AP1S3: variants seen among roughly 807,000 people sequenced by gnomAD.
AP1S3 encodes the protein AP-1 complex subunit sigma-3.
A neutral mutation model predicts 20.9 loss-of-function variants in AP1S3; 10 were observed. That is an observed-to-expected ratio of 0.48 (90% CI 0.29 to 0.81). The LOEUF is 0.81. Ranked by LOEUF, AP1S3 falls within the 30% of genes least tolerant of loss-of-function variation. The probability of loss-of-function intolerance (pLI) is 0.08; values close to 1 mark genes in which losing one functional copy is unlikely to be tolerated. For synonymous variants in AP1S3, 41 were observed against 61.5 expected, an observed-to-expected ratio of 0.67 and a Z score of 1.56; for missense variants, 154 against 183.8, an observed-to-expected ratio of 0.84 and a Z score of 0.94.
In AP1S3 at chr2:223,758,498, C is replaced by T; in HGVS notation, c.*217G>A. On this transcript the variant is annotated 3_prime_UTR_variant, in exon 5 of 5. Coordinates refer to ENST00000396654, the MANE Select transcript of AP1S3 (RefSeq NM_001039569.2). The stretch of plus-strand genomic sequence containing the variant: ...TTTAAACATTTAGAGCTACAAGTAC[C>T]TATACAGTATAACACAGACACATAA... 1 of 1,224,810 alleles carries T rather than the reference C, an allele frequency of 8.2e-7. No homozygotes were observed. The allele number at this position is 1,224,810 out of a possible 1,614,324, so 75.9% of individuals were successfully genotyped here.
At chr2:223,833,351 C>T (rs1692322565) in intron 1 of AP1S3, among the ~76,000 whole-genome samples, 3 of 152,152 alleles carry the variant, frequency 2.0e-5, no homozygotes, top group Admixed American at 2.0e-4. Context: ...CCTTTTTAAA[C>T]ACACTGGGCT....
At chr2:223,792,857 C>A (rs564955669) in intron 1 of AP1S3, among the ~76,000 whole-genome samples, 70 of 152,186 alleles carry the variant, frequency 4.6e-4, no homozygotes, top group African/African-American at 1.5e-3. Flanking sequence ...CTACAAGGAA[C>A]TTAAACAAAT....
chr2:223,756,019 T>C lies in AP1S3; in HGVS notation c.*2696A>G. 4 of 985,398 alleles carry C rather than the reference T, an allele frequency of 4.1e-6. No individual in the cohort carries two copies. Among genetic ancestry groups the C allele is most frequent in the Non-Finnish European group, 4.8e-6 (4 of 829,914 alleles). 61.0% of individuals were successfully genotyped at this position (985,398 alleles called of 1,614,324 possible). A position where few individuals can be genotyped will look rare whatever the true frequency, so the allele number is the denominator to read the frequency against. ...AAAACTATGATGGATTTACATGAGG[T>C]CCATCTTTACAAAATTGTATTGAAA... On this transcript the variant is annotated 3_prime_UTR_variant, in exon 5 of 5. Coordinates refer to ENST00000396654, the MANE Select transcript of AP1S3 (RefSeq NM_001039569.2).
At chr2:223,787,311 A>G (rs1376143242) in intron 1 of AP1S3, among the ~76,000 whole-genome samples, 1 of 152,224 alleles carries the variant, frequency 6.6e-6, no homozygotes, top group East Asian at 1.9e-4. Flanking sequence ...AGTCTCGGGT[A>G]TTTCTTTACA....
rs547001635 is a variant in AP1S3, at chr2:223,820,445, G to A, written c.3+17003C>T. Among the ~76,000 whole-genome samples, 4 of 151,772 alleles carry A rather than the reference G, an allele frequency of 2.6e-5. No homozygotes were observed. The East Asian group carries it at 7.7e-4, about 29-fold the overall frequency. The stretch of plus-strand genomic sequence containing the variant: ...TTTTTCTGAGGCACGGGGTGTGCCT[G>A]TTTAACTCATCTTATATATAAGAAA... On this transcript the variant is annotated intron_variant, in intron 1 of 4. Transcript: ENST00000396654.
At chr2:223,837,411 C>A in intron 1 of AP1S3, 37 bp downstream of exon 1, 1 of 1,192,096 alleles carries the variant, frequency 8.4e-7, no homozygotes, top group Non-Finnish European at 1.1e-6. Context: ...CGAGCGCCCC[C>A]ACCGCCTACC....
chr2:223,780,318 G>T (rs1432492691), intron 1 of AP1S3, among the ~76,000 whole-genome samples: 881 of 67,882 alleles, frequency 0.013, 19 homozygotes, highest in Middle Eastern at 0.016. Context: ...TAGAGAGAGA[G>T]AGAGAGAGAG....
At chr2:223,780,691 A>T (rs1465039826) in intron 1 of AP1S3, among the ~76,000 whole-genome samples, 1 of 151,942 alleles carries the variant, frequency 6.6e-6, no homozygotes, top group Non-Finnish European at 1.5e-5. Flanking sequence ...TCCGTCTCCC[A>T]GAGTGTTGTG....
intron 3 of AP1S3, among the ~76,000 whole-genome samples, chr2:223,775,063 C>T (rs918025771): frequency 6.6e-6 from 1 of 151,850 alleles, no homozygotes; most frequent in African/African-American, 2.4e-5. Context: ...TTAAAGAAAG[C>T]GTCATGGTGA....
intron 3 of AP1S3, 95 bp from the exon 4 acceptor site, chr2:223,765,445 G>A (rs2106079332): frequency 1.5e-6 from 2 of 1,313,850 alleles, no homozygotes; most frequent in Admixed American, 2.8e-5. Context: ...GCACTCATGT[G>A]GCGTACCAAA....
At chr2:223,784,211 C>T (rs188716261) in intron 1 of AP1S3, among the ~76,000 whole-genome samples, 85 of 152,306 alleles carry the variant, frequency 5.6e-4, no homozygotes, top group African/African-American at 1.9e-3. Context: ...AGACCCTCCA[C>T]GTACCTCTCA....
intron 3 of AP1S3, among the ~76,000 whole-genome samples, chr2:223,766,955 T>C (rs1257689136): frequency 6.7e-6 from 1 of 149,322 alleles, no homozygotes; most frequent in African/African-American, 2.5e-5. Context: ...ACTACAAGAA[T>C]AGAAAACCAA....
At chr2:223,775,834 G>T in intron 3 of AP1S3, 67 bp downstream of exon 3, 2 of 1,202,062 alleles carry the variant, frequency 1.7e-6, no homozygotes, top group Non-Finnish European at 2.4e-6. Context: ...TGTGACCAGA[G>T]ACAGAACTGA....
At chr2:223,811,212 C>G (rs1691717249) in intron 1 of AP1S3, among the ~76,000 whole-genome samples, 1 of 151,810 alleles carries the variant, frequency 6.6e-6, no homozygotes, top group Non-Finnish European at 1.5e-5. Flanking sequence ...CCTGCCTCAG[C>G]CTCCCAAGTA....
chr2:223,819,712 G>A (rs2106124597), intron 1 of AP1S3, among the ~76,000 whole-genome samples: 1 of 151,986 alleles, frequency 6.6e-6, no homozygotes, highest in Middle Eastern at 3.4e-3. Flanking sequence ...TAAATTCTTA[G>A]TTTCCATAGT....
rs752584711 is a variant in AP1S3, at chr2:223,775,888, G to C, written c.291+13C>G. The C allele has an allele frequency of 7.5e-6, 12 of 1,606,700 alleles. No homozygotes were observed. In the South Asian group the frequency reaches 1.2e-4, roughly 16 times the overall value. On this transcript the variant is annotated intron_variant, in intron 3 of 4. Coordinates refer to ENST00000396654, the MANE Select transcript of AP1S3 (RefSeq NM_001039569.2). ...GACTGTAGCTAATCCTAACCGACAA[G>C]GACAACACTTACATTTCCAAAATAT...
At chr2:223,793,626 C>T (rs544634401) in intron 1 of AP1S3, among the ~76,000 whole-genome samples, 2 of 152,180 alleles carry the variant, frequency 1.3e-5, no homozygotes, top group Admixed American at 1.3e-4. Flanking sequence ...GGAAGAATAG[C>T]TAAGGGATGC....
chr2:223,780,304 TATATAGAGAGAGAGAGAGAGAG>T (rs1185076335), intron 1 of AP1S3, among the ~76,000 whole-genome samples: 2 of 46,050 alleles, frequency 4.3e-5, no homozygotes, highest in African/African-American at 1.9e-4. Flanking sequence ...TATATATATA[TATATAGAGAGAGAGAGAGAGAG>T]AGAGAGAGAG....
intron 3 of AP1S3, among the ~76,000 whole-genome samples, chr2:223,770,746 T>TTTTTTG (rs57644752): frequency 1.3e-5 from 2 of 149,550 alleles, no homozygotes; most frequent in African/African-American, 2.5e-5. Context: ...TTTTTTTTTT[T>TTTTTTG]GGAAACAGTC....
Sources: allele counts gnomAD v4.1 joint callset (sites outside exome capture counted in the v4.1 genomes callset), GRCh38; gene constraint gnomAD v4.1.1; transcripts MANE v1.5; gene names NCBI Gene and HGNC (gene_info 2026-07-23, HGNC 2026-07-21).